Variants in ZNF839 observed in about 807,000 individuals in gnomAD.
ZNF839 encodes the protein zinc finger protein 839, also known as renal carcinoma antigen NY-REN-50.
In ZNF839, 38 loss-of-function variants were observed where a neutral mutation model predicts 56.4. That is an observed-to-expected ratio of 0.67 (90% CI 0.52 to 0.88). The LOEUF is 0.88. Among genes scored for constraint, ZNF839 ranks in the 40% least tolerant of loss-of-function variants. The pLI is 0.00. For synonymous variants in ZNF839, 486 were observed against 493.5 expected (o/e 0.98, Z 0.20); for missense variants, 1,091 against 1,177.6 (o/e 0.93, Z 1.08).
chr14:102,341,857 C>T lies in ZNF839; in HGVS notation c.2462C>T (p.Pro821Leu). ...VDCAYRTVPK[P>L]GPQPGPHGSL... ...TGTGCCTACAGGACTGTGCCCAAGC[C>T]AGGGCCTCAGCCTGGCCCACATGGA... The change falls in exon 8 of 8, where the codon CCA (proline) becomes CTA (leucine). Residue 821 changes from proline (P) to leucine (L), a missense_variant. Around this residue, in one of 3 missense-constraint regions of ZNF839, gnomAD observed 431 missense variants for 468.0 expected, o/e 0.92. Coordinates refer to ENST00000442396, the MANE Select transcript of ZNF839 (RefSeq NM_018335.6). The T allele has an allele frequency of 1.2e-6, 2 of 1,614,048 alleles. No individual in the cohort carries two copies. Among genetic ancestry groups the T allele is most frequent in the South Asian group, 1.1e-5 (1 of 91,086 alleles).
intron 2 of ZNF839, among the ~76,000 whole-genome samples, chr14:102,330,215 TC>T (rs1386772974): frequency 1.3e-5 from 2 of 151,916 alleles, no homozygotes; most frequent in Non-Finnish European, 2.9e-5. Context: ...CTATTATAAT[TC>T]TCTCTCTTTT....
Position 102,342,232 on chromosome 14 carries a change from C to G in ZNF839, c.*53C>G. The G allele has an allele frequency of 1.3e-6, 2 of 1,543,554 alleles. No individual in the cohort carries two copies. Among genetic ancestry groups the G allele is most frequent in the South Asian group, 2.5e-5 (2 of 80,538 alleles). ...CGGTCGTCACCGTGGAGCCAGAGCCCTCACAGTGAAGTGGAGTCAGATCCT... is the reference window on the plus strand; with the variant it reads ...CGGTCGTCACCGTGGAGCCAGAGCCGTCACAGTGAAGTGGAGTCAGATCCT... On this transcript the variant is annotated 3_prime_UTR_variant, in exon 8 of 8. Transcript: ENST00000442396.
In ZNF839 at chr14:102,335,777, A is replaced by G. The variant is rs765110172; in HGVS notation, c.1598A>G (p.Gln533Arg). 1.4e-5 allele frequency: 22 copies of G among 1,606,832 alleles called. No homozygotes were observed. Among genetic ancestry groups the G allele is most frequent in the Non-Finnish European group, 1.4e-5 (16 of 1,179,866 alleles). The change falls in exon 5 of 8, where the codon CAA becomes CGA. Residue 533 changes from glutamine (Q) to arginine (R), a missense_variant. Physicochemically the swap from Gln to Arg is conservative, Grantham distance 43 (BLOSUM62 1). Transcript: ENST00000442396. ...ELHKMVKKMCQDYLSSSGLCS... is the reference protein window; with the variant it reads ...ELHKMVKKMCRDYLSSSGLCS... ...CATAAAATGGTTAAGAAAATGTGCC[A>G]AGATTACCTCAGTAGTTCTGGTCTG...
rs1468788687 is a variant in ZNF839, at chr14:102,328,430, ATAG to A, written c.1191+1549_1191+1551del. On this transcript the variant is annotated intron_variant, in intron 2 of 7. Transcript: ENST00000442396. ...TATATATGTATACACACACACACAT[ATAG>A]TAGTAAAAAAACACATAGCATGACA... 3.8e-4 allele frequency among the ~76,000 whole-genome samples: 53 copies of A among 140,260 alleles called. 1 individual carries two copies. Among genetic ancestry groups the A allele is most frequent in the African/African-American group, 1.2e-3 (46 of 38,604 alleles). The allele number at this position is 140,260 out of a possible 152,430, so 92.0% of individuals were successfully genotyped here. A position where few individuals can be genotyped will look rare whatever the true frequency, so the allele number is the denominator to read the frequency against.
At position 102,326,927 on chromosome 14, in the gene ZNF839, G is replaced by C; in HGVS notation, c.1191+40G>C. ...TGGGTATGTGTCTTTTTATTTGGCC[G>C]TTCTCGGATTGCTATAAAGAAATAC... On this transcript the variant is annotated intron_variant, in intron 2 of 7. Transcript: ENST00000442396. The surrounding 1 kb of genome is among the most constrained non-coding windows in gnomAD (Gnocchi z 4.3). 1 of 1,518,628 alleles carries C rather than the reference G, an allele frequency of 6.6e-7. No individual in the cohort carries two copies. Among genetic ancestry groups the C allele is most frequent in the Non-Finnish European group, 8.8e-7 (1 of 1,133,684 alleles). The allele number at this position is 1,518,628 out of a possible 1,614,324, so 94.1% of individuals were successfully genotyped here.
At chr14:102,328,940 T>C (rs529454385) in intron 2 of ZNF839, among the ~76,000 whole-genome samples, 121 of 152,210 alleles carry the variant, frequency 7.9e-4, no homozygotes, top group Non-Finnish European at 9.0e-4. Flanking sequence ...TGAACACAGA[T>C]GTTCAATTAC....
intron 2 of ZNF839, among the ~76,000 whole-genome samples, chr14:102,328,129 C>T (rs149766022): frequency 1.3e-5 from 2 of 151,480 alleles, no homozygotes; most frequent in Admixed American, 6.6e-5. Flanking sequence ...CCGAGGTGGG[C>T]GGATCACCTC....
rs751137418 is a variant in ZNF839 at position 102,339,240 on chromosome 14, G to A, written c.1927+17G>A. On this transcript the variant is annotated intron_variant, in intron 7 of 7. Transcript: ENST00000442396. ...TGGCCGCTGGTGAGGGTAAAATGCT[G>A]TTTGTGGGGTGTATCCATGGCCTGG... The A allele has an allele frequency of 2.4e-5, 39 of 1,607,124 alleles. 1 individual carries two copies. The South Asian group carries it at 4.3e-4, about 18-fold the overall frequency.
intron 7 of ZNF839, 78 bp from the exon 8 acceptor site, chr14:102,341,245 C>G (rs1037788798): frequency 2.8e-6 from 4 of 1,425,634 alleles, no homozygotes; most frequent in Non-Finnish European, 1.8e-6. Context: ...CTTGGCCTAG[C>G]TGGTTTTGGG....
chr14:102,321,193 C>T (rs892721955), intron 1 of ZNF839, among the ~76,000 whole-genome samples: 3 of 152,224 alleles, frequency 2.0e-5, no homozygotes, highest in Admixed American at 6.5e-5. Context: ...CAGAAGGCTG[C>T]AAGGTGCCAT....
chr14:102,320,185 C>T (rs2073050867), intron 1 of ZNF839, 132 bp downstream of exon 1: 5 of 1,044,844 alleles, frequency 4.8e-6, no homozygotes, highest in East Asian at 6.8e-5. Flanking sequence ...GGCTGAGCTT[C>T]TTAGGGACGG....
chr14:102,321,510 A>G (rs1480467730), intron 1 of ZNF839, among the ~76,000 whole-genome samples: 1 of 152,218 alleles, frequency 6.6e-6, no homozygotes, highest in Non-Finnish European at 1.5e-5. Context: ...TAGCTAATCT[A>G]ATGGAGACGA....
chr14:102,331,708 T>G lies in ZNF839; in HGVS notation c.1278T>G (p.Pro426=). The change falls in exon 3 of 8, where the codon CCT becomes CCG. Residue 426 remains proline, a synonymous_variant. Transcript: ENST00000442396. ...TGCGATCAGAGAGATACCAAGGACC[T>G]AGAAGACGCGCATGCTCAGAGACCC... ...ALLRSERYQG[P]RRRACSETLA... is the part of the protein sequence containing the mutation. The G allele has an allele frequency of 6.2e-7, 1 of 1,611,094 alleles. No homozygotes were observed. Among genetic ancestry groups the G allele is most frequent in the Non-Finnish European group, 8.5e-7 (1 of 1,178,600 alleles).
rs375904596 is a variant in ZNF839 at position 102,326,590 on chromosome 14, C to T, written c.894C>T (p.His298=). ...AAGATGAAGATCAGAGGGAGAGGCA[C>T]GCACTCTTTGACTTATCGAGCTGCT... ...VEEDEDQRER[H]ALFDLSSCSL... is the part of the protein sequence containing the mutation. The change falls in exon 2 of 8, where the codon CAC becomes CAT. Residue 298 remains histidine, a synonymous_variant. Transcript: ENST00000442396. The surrounding 1 kb of genome is among the most constrained non-coding windows in gnomAD (Gnocchi z 4.3). The T allele has an allele frequency of 5.6e-6, 9 of 1,613,906 alleles. No homozygotes were observed. Among genetic ancestry groups the T allele is most frequent in the Non-Finnish European group, 6.8e-6 (8 of 1,179,856 alleles).
intron 2 of ZNF839, 128 bp from the exon 3 acceptor site, chr14:102,331,494 C>T (rs2073778254): frequency 1.3e-5 from 10 of 746,798 alleles, no homozygotes; most frequent in Non-Finnish European, 1.9e-5. Context: ...AAATGATCCA[C>T]CCGCCTTGGG....
At chr14:102,319,736 A>C (rs1169445792), upstream of ZNF839, 1 of 1,226,672 alleles carries the variant, frequency 8.2e-7, no homozygotes, top group East Asian at 3.2e-5. This position sits in a 1 kb window ranked among gnomAD's most constrained non-coding sequence, Gnocchi z 4.5. Context: ...TCGCTCAGCG[A>C]CCCGGGTTCG....
intron 7 of ZNF839, among the ~76,000 whole-genome samples, chr14:102,340,764 A>T (rs1257511231): frequency 6.6e-6 from 1 of 152,114 alleles, no homozygotes; most frequent in African/African-American, 2.4e-5. Context: ...CCAATCATTC[A>T]TTCAGTATTG....
chr14:102,327,242 G>A (rs780836249), intron 2 of ZNF839, among the ~76,000 whole-genome samples: 24 of 152,282 alleles, frequency 1.6e-4, no homozygotes, highest in Non-Finnish European at 3.2e-4. Context: ...CCCAGTTCAA[G>A]TGATTCTCCT....
At chr14:102,319,735 G>A (rs1211432101), upstream of ZNF839, 12 of 1,227,416 alleles carry the variant, frequency 9.8e-6, no homozygotes, top group South Asian at 4.1e-5. The surrounding 1 kb of genome is among the most constrained non-coding windows in gnomAD (Gnocchi z 4.5). Flanking sequence ...GTCGCTCAGC[G>A]ACCCGGGTTC....
Sources: allele counts gnomAD v4.1 joint callset (sites outside exome capture counted in the v4.1 genomes callset), GRCh38; gene constraint gnomAD v4.1.1; regional missense constraint gnomAD v4.1.1; non-coding constraint Gnocchi (gnomAD v3.1); transcripts MANE v1.5; gene names NCBI Gene and HGNC (gene_info 2026-07-23, HGNC 2026-07-21).